Variants in TAFA4 observed in about 807,000 individuals in gnomAD.
The protein encoded by TAFA4 is chemokine-like protein TAFA-4.
TAFA4 carries 20 observed loss-of-function variants against 21.1 expected under a neutral mutation model. That is an observed-to-expected ratio of 0.95 (90% CI 0.67 to 1.38). The LOEUF is 1.38. TAFA4 is among the 40% of genes most tolerant of loss of function. The pLI is 0.00. For synonymous variants in TAFA4, 71 were observed against 67.4 expected (o/e 1.05, Z -0.26); for missense variants, 211 against 180.9 (o/e 1.17, Z -0.95).
At chr3:68,821,717 G>T (rs993581744) in intron 3 of TAFA4, among the ~76,000 whole-genome samples, 2 of 151,692 alleles carry the variant, frequency 1.3e-5, no homozygotes, top group Non-Finnish European at 2.9e-5. Flanking sequence ...CTGCTACCCT[G>T]GATTTTCAAC....
chr3:68,831,848 T>G (rs187893138), intron 3 of TAFA4, among the ~76,000 whole-genome samples: 16 of 152,344 alleles, frequency 1.1e-4, no homozygotes, highest in Non-Finnish European at 1.8e-4. Flanking sequence ...TTTTCTCACA[T>G]AGTCCCATAT....
intron 3 of TAFA4, among the ~76,000 whole-genome samples, chr3:68,867,493 C>T (rs951528693): frequency 6.6e-5 from 10 of 152,044 alleles, no homozygotes; most frequent in Non-Finnish European, 1.3e-4. Flanking sequence ...TTGAAGGTAA[C>T]AAACTAACTG....
chr3:68,903,935 CTAACCTA>C (rs2089870748), intron 1 of TAFA4, among the ~76,000 whole-genome samples: 1 of 152,060 alleles, frequency 6.6e-6, no homozygotes, highest in Non-Finnish European at 1.5e-5. Flanking sequence ...CCATGTGAGC[CTAACCTA>C]TAACCCATTA....
chr3:68,732,055 G>T lies in TAFA4; in HGVS notation c.*1087C>A, dbSNP rs952352615. The T allele has an allele frequency of 6.6e-6, 1 of 152,470 alleles. No individual in the cohort carries two copies. The highest frequency in any genetic ancestry group is 6.6e-5 in the Admixed American group (1 of 15,238). The allele number at this position is 152,470 out of a possible 1,614,324, so 9.4% of individuals were successfully genotyped here. On this transcript the variant is annotated 3_prime_UTR_variant, in exon 6 of 6. Coordinates refer to ENST00000295569, the MANE Select transcript of TAFA4 (RefSeq NM_182522.5). ...TAACAACATTATACATCTAAAATCT[G>T]GGTCAGTCATTCTTCATCTGTTTCA...
At chr3:68,797,506 G>T (rs28813154) in intron 3 of TAFA4, among the ~76,000 whole-genome samples, 7 of 151,364 alleles carry the variant, frequency 4.6e-5, no homozygotes, top group Non-Finnish European at 8.8e-5. Flanking sequence ...CCAGCTACTT[G>T]GGAGGCTGAG....
chr3:68,739,398 G>A (rs1205984675), intron 4 of TAFA4, among the ~76,000 whole-genome samples, 199 bp from the exon 5 acceptor site: 1 of 151,998 alleles, frequency 6.6e-6, no homozygotes, highest in African/African-American at 2.4e-5. Context: ...AGCAACAGAT[G>A]TTGGTGAGAA....
chr3:68,886,976 T>A (rs1315144630), intron 1 of TAFA4, among the ~76,000 whole-genome samples: 1 of 152,192 alleles, frequency 6.6e-6, no homozygotes, highest in African/African-American at 2.4e-5. Flanking sequence ...ACAAAATATA[T>A]TCATTCCATC....
intron 1 of TAFA4, chr3:68,916,274 C>T (rs1174570295): frequency 1.3e-5 from 2 of 152,330 alleles, no homozygotes; most frequent in East Asian, 3.9e-4. Context: ...TTGTAACTCA[C>T]TTCAATATTG....
chr3:68,799,332 C>T (rs1703522827), intron 3 of TAFA4, among the ~76,000 whole-genome samples: 1 of 152,120 alleles, frequency 6.6e-6, no homozygotes, highest in Non-Finnish European at 1.5e-5. Flanking sequence ...TCTCTCTGTC[C>T]TCATATGGTG....
intron 3 of TAFA4, among the ~76,000 whole-genome samples, chr3:68,825,535 G>A (rs569113487): frequency 0.017 from 2,599 of 152,258 alleles, 71 homozygotes; most frequent in African/African-American, 0.055. Context: ...GCCTTCACTA[G>A]AGTGTGTGCA....
chr3:68,771,195 G>A (rs756907405), intron 3 of TAFA4, among the ~76,000 whole-genome samples: 1 of 152,180 alleles, frequency 6.6e-6, no homozygotes, highest in Non-Finnish European at 1.5e-5. Context: ...GCCCACGTGT[G>A]ACCTGATTTT....
intron 3 of TAFA4, among the ~76,000 whole-genome samples, chr3:68,757,984 T>C (rs1235833482): frequency 6.6e-6 from 1 of 152,230 alleles, no homozygotes; most frequent in Non-Finnish European, 1.5e-5. Context: ...GGGTAGGTAC[T>C]GTTTTTTACT....
At chr3:68,824,796 A>T (rs1704189737) in intron 3 of TAFA4, among the ~76,000 whole-genome samples, 1 of 152,232 alleles carries the variant, frequency 6.6e-6, no homozygotes, top group African/African-American at 2.4e-5. Context: ...AGCAAGGGGC[A>T]GAACTAGGAT....
chr3:68,836,216 A>C (rs1704519783), intron 3 of TAFA4, among the ~76,000 whole-genome samples: 1 of 152,216 alleles, frequency 6.6e-6, no homozygotes, highest in African/African-American at 2.4e-5. Context: ...CATCACAAGG[A>C]GATGGGGTTT....
At position 68,873,374 on chromosome 3, in the gene TAFA4, A is replaced by ACACACACACC. The variant is rs1216878409; in HGVS notation, c.130+7355_130+7356insGGTGTGTGTG. Among the ~76,000 whole-genome samples the ACACACACACC allele has an allele frequency of 1.7e-3, 240 of 140,372 alleles. 1 individual carries two copies. The highest frequency in any genetic ancestry group is 6.0e-3 in the African/African-American group (235 of 39,342). The allele number at this position is 140,372 out of a possible 152,430, so 92.1% of individuals were successfully genotyped here. On this transcript the variant is annotated intron_variant, in intron 3 of 5. Transcript: ENST00000295569. Reference sequence around the variant, plus strand: ...CACACACACACACACACACACACACACACCCTGGGCCAGAAAAATGCTGAC... The same window carrying ACACACACACC: ...CACACACACACACACACACACACACACACACACACCCACCCTGGGCCAGAAAAATGCTGAC...
At chr3:68,894,876 C>T (rs752141923) in intron 1 of TAFA4, among the ~76,000 whole-genome samples, 2 of 151,758 alleles carry the variant, frequency 1.3e-5, no homozygotes, top group Middle Eastern at 3.2e-3. Context: ...TTTTTTGTAA[C>T]AGAGTTTCAC....
intron 3 of TAFA4, among the ~76,000 whole-genome samples, chr3:68,779,090 G>C (rs532803744): frequency 6.6e-6 from 1 of 152,198 alleles, no homozygotes; most frequent in Non-Finnish European, 1.5e-5. Flanking sequence ...AGTTACTCTT[G>C]TTATGTTTTA....
At chr3:68,849,463 G>A (rs1002750247) in intron 3 of TAFA4, among the ~76,000 whole-genome samples, 8 of 152,166 alleles carry the variant, frequency 5.3e-5, no homozygotes. Flanking sequence ...CTGCTGGAGA[G>A]ACTCTGTGAG....
chr3:68,761,826 G>A (rs1006078432), intron 3 of TAFA4, among the ~76,000 whole-genome samples: 1 of 152,206 alleles, frequency 6.6e-6, no homozygotes, highest in Admixed American at 6.5e-5. Context: ...TAGCAGTGGA[G>A]GTAGGAAGAA....
Sources: allele counts gnomAD v4.1 joint callset (sites outside exome capture counted in the v4.1 genomes callset), GRCh38; gene constraint gnomAD v4.1.1; transcripts MANE v1.5; gene names NCBI Gene and HGNC (gene_info 2026-07-23, HGNC 2026-07-21).